Variants in CCSER1 observed in about 807,000 individuals in gnomAD.
The protein encoded by CCSER1 is coiled-coil serine rich protein 1.
Under a neutral mutation model 82.0 loss-of-function variants are expected in CCSER1, and 41 were observed. That is an observed-to-expected ratio of 0.50 (90% CI 0.39 to 0.65). The LOEUF (loss-of-function observed/expected upper bound fraction) is 0.65. Ranked by LOEUF, CCSER1 falls within the 30% of genes least tolerant of loss-of-function variation. The pLI is 0.00. For synonymous variants in CCSER1, 414 were observed against 383.9 expected (o/e 1.08, Z -0.92); for missense variants, 1,119 against 1,064.2 (o/e 1.05, Z -0.72).
At chr4:91,337,683 T>C (rs1404932380) in intron 10 of CCSER1, among the ~76,000 whole-genome samples, 1 of 152,100 alleles carries the variant, frequency 6.6e-6, no homozygotes, top group Non-Finnish European at 1.5e-5. Flanking sequence ...AAACATTCTC[T>C]CCTGTTCCCC....
At chr4:90,948,525 C>T (rs1480154306) in intron 9 of CCSER1, among the ~76,000 whole-genome samples, 1 of 151,358 alleles carries the variant, frequency 6.6e-6, no homozygotes, top group Non-Finnish European at 1.5e-5. Context: ...TATTATGAGG[C>T]CATGTTTTAT....
At chr4:91,064,844 G>A (rs1720637088) in intron 9 of CCSER1, among the ~76,000 whole-genome samples, 1 of 150,416 alleles carries the variant, frequency 6.6e-6, no homozygotes, top group Non-Finnish European at 1.5e-5. Flanking sequence ...AGGGGACAGA[G>A]GAACACAGCA....
intron 8 of CCSER1, among the ~76,000 whole-genome samples, chr4:90,840,580 A>G (rs1762452806): frequency 6.6e-6 from 1 of 152,222 alleles, no homozygotes; most frequent in Admixed American, 6.5e-5. Context: ...GTAAGGTTTT[A>G]TGAGTATTAA....
At chr4:90,904,451 A>C (rs1401497084) in intron 8 of CCSER1, among the ~76,000 whole-genome samples, 1 of 152,146 alleles carries the variant, frequency 6.6e-6, no homozygotes, top group East Asian at 1.9e-4. Context: ...AAGTACCACA[A>C]AAATATTAAC....
chr4:91,490,656 G>A (rs79030946), intron 10 of CCSER1, among the ~76,000 whole-genome samples: 2,807 of 150,800 alleles, frequency 0.019, 74 homozygotes, highest in African/African-American at 0.061. Context: ...TAGGTAGAAC[G>A]AATACGATCA....
intron 3 of CCSER1, among the ~76,000 whole-genome samples, chr4:90,330,123 A>C (rs1739011078): frequency 6.6e-6 from 1 of 152,170 alleles, no homozygotes; most frequent in African/African-American, 2.4e-5. Context: ...TAAGATCTCT[A>C]ATCTTTTGTG....
chr4:91,092,416 C>T (rs914059743), intron 10 of CCSER1, among the ~76,000 whole-genome samples: 2 of 152,182 alleles, frequency 1.3e-5, no homozygotes, highest in African/African-American at 4.8e-5. Flanking sequence ...TACTTGTTAC[C>T]TCTGCATTTG....
intron 10 of CCSER1, among the ~76,000 whole-genome samples, chr4:91,557,413 T>G (rs1560761572): frequency 6.6e-6 from 1 of 151,532 alleles, no homozygotes; most frequent in Non-Finnish European, 1.5e-5. Context: ...CAGAATTTAC[T>G]GAATATCTTC....
At chr4:90,890,258 G>T (rs1228786809) in intron 8 of CCSER1, among the ~76,000 whole-genome samples, 1 of 152,064 alleles carries the variant, frequency 6.6e-6, no homozygotes, top group Non-Finnish European at 1.5e-5. Flanking sequence ...CTAGATATGT[G>T]TCTATGAAAA....
At chr4:91,123,254 GT>G (rs1727240626) in intron 10 of CCSER1, among the ~76,000 whole-genome samples, 1 of 151,528 alleles carries the variant, frequency 6.6e-6, no homozygotes, top group Admixed American at 6.6e-5. Flanking sequence ...AGTTCGATTA[GT>G]CAGATTCATT....
chr4:90,915,966 A>C (rs1416813707), intron 8 of CCSER1, among the ~76,000 whole-genome samples: 1 of 152,198 alleles, frequency 6.6e-6, no homozygotes, highest in Non-Finnish European at 1.5e-5. Context: ...AGGGGTGTGA[A>C]GGACCTCTTC....
intron 10 of CCSER1, among the ~76,000 whole-genome samples, chr4:91,388,161 A>G (rs1578336866): frequency 6.6e-6 from 1 of 152,054 alleles, no homozygotes; most frequent in East Asian, 1.9e-4. Context: ...GATTACAGGC[A>G]TGAATCACCA....
intron 9 of CCSER1, among the ~76,000 whole-genome samples, chr4:91,069,636 A>G (rs987024574): frequency 2.0e-5 from 3 of 152,216 alleles, no homozygotes; most frequent in African/African-American, 7.2e-5. Flanking sequence ...AATATGAAAA[A>G]TATTTTCCAG....
intron 9 of CCSER1, among the ~76,000 whole-genome samples, chr4:91,009,111 CA>C (rs1040266900): frequency 3.2e-4 from 49 of 152,174 alleles, no homozygotes; most frequent in African/African-American, 1.1e-3. Context: ...GGATGGAAGT[CA>C]GGGGCGGGTC....
chr4:90,717,568 A>C (rs1741845887), intron 6 of CCSER1, among the ~76,000 whole-genome samples: 1 of 152,102 alleles, frequency 6.6e-6, no homozygotes, highest in Admixed American at 6.6e-5. Flanking sequence ...GAAGTAGTGG[A>C]ATCAGCCTTG....
chr4:91,421,524 GGC>G (rs1753682495), intron 10 of CCSER1, among the ~76,000 whole-genome samples: 1 of 152,060 alleles, frequency 6.6e-6, no homozygotes, highest in Non-Finnish European at 1.5e-5. Flanking sequence ...GTTATATGGA[GGC>G]GTATCTTCTT....
At chr4:91,414,517 A>G (rs1753240018) in intron 10 of CCSER1, among the ~76,000 whole-genome samples, 1 of 152,160 alleles carries the variant, frequency 6.6e-6, no homozygotes, top group African/African-American at 2.4e-5. Flanking sequence ...GGGATCCATG[A>G]GACAGCCAGA....
chr4:90,257,135 G>A (rs1031510583), intron 1 of CCSER1, among the ~76,000 whole-genome samples: 7 of 151,832 alleles, frequency 4.6e-5, no homozygotes, highest in Admixed American at 6.6e-5. Context: ...AAAATTATTT[G>A]CAAATTAACA....
intron 7 of CCSER1, chr4:90,727,337 T>G: frequency 2.2e-6 from 1 of 454,696 alleles, no homozygotes; most frequent in South Asian, 1.6e-5. Flanking sequence ...AACAGAATCA[T>G]AAAAGTTCAA....
Sources: allele counts gnomAD v4.1 joint callset (sites outside exome capture counted in the v4.1 genomes callset), GRCh38; gene constraint gnomAD v4.1.1; transcripts MANE v1.5; gene names NCBI Gene and HGNC (gene_info 2026-07-23, HGNC 2026-07-21).